The following RIMBP2 variants were observed in gnomAD, a reference collection of about 807,000 sequenced individuals.
The protein encoded by RIMBP2 is RIMS-binding protein 2.
RIMBP2 carries 48 observed loss-of-function variants against 118.6 expected under a neutral mutation model. That is an observed-to-expected ratio of 0.40 (90% CI 0.32 to 0.51). The LOEUF is 0.51. RIMBP2 is among the 20% of genes least tolerant of loss of function. The pLI, the probability that RIMBP2 is intolerant of heterozygous loss-of-function variation, is 0.41. For synonymous variants in RIMBP2, 762 were observed against 742.9 expected (o/e 1.03, Z -0.42); for missense variants, 1,551 against 1,768.3 (o/e 0.88, Z 2.20).
At chr12:130,580,967 G>A (rs2140185421) in intron 2 of RIMBP2, among the ~76,000 whole-genome samples, 1 of 151,896 alleles carries the variant, frequency 6.6e-6, no homozygotes, top group Non-Finnish European at 1.5e-5. Flanking sequence ...GTGTGTGTGT[G>A]TATGTATATA....
intron 1 of RIMBP2, among the ~76,000 whole-genome samples, chr12:130,633,404 T>C (rs560810181): frequency 6.6e-5 from 10 of 152,258 alleles, no homozygotes; most frequent in East Asian, 3.9e-4. Context: ...GGTGAATTCC[T>C]GAGGGAGGAA....
chr12:130,689,795 A>G (rs1482539493), intron 1 of RIMBP2, among the ~76,000 whole-genome samples: 1 of 152,210 alleles, frequency 6.6e-6, no homozygotes, highest in Non-Finnish European at 1.5e-5. Flanking sequence ...GCATCGTACC[A>G]AATGATCACA....
intron 2 of RIMBP2, among the ~76,000 whole-genome samples, chr12:130,554,430 G>C (rs2056139619): frequency 6.6e-6 from 1 of 152,186 alleles, no homozygotes; most frequent in South Asian, 2.1e-4. Context: ...GAGTGCATCT[G>C]AACTAGGTGT....
At chr12:130,413,061 A>G (rs1212972903) in intron 18 of RIMBP2, among the ~76,000 whole-genome samples, 1 of 152,046 alleles carries the variant, frequency 6.6e-6, no homozygotes, top group Non-Finnish European at 1.5e-5. Context: ...GGATGAATGC[A>G]TGTTATTTAA....
In RIMBP2 at chr12:130,438,455, C is replaced by T. The variant is rs779184735; in HGVS notation, c.1566G>A (p.Arg522=). The T allele has an allele frequency of 1.2e-6, 2 of 1,613,320 alleles. No homozygotes were observed. The highest frequency in any genetic ancestry group is 1.7e-6 in the Non-Finnish European group (2 of 1,179,746). The change falls in exon 12 of 23, where the codon CGG becomes CGA. Residue 522 remains arginine, a synonymous_variant. Coordinates refer to ENST00000690449, the MANE Select transcript of RIMBP2 (RefSeq NM_001393629.1). ...VQAGVTPATI[R]VSWRPPVLTP... ...TCAGCACAGGTGGTCTCCAGGAGAC[C>T]CGGATGGTGGCGGGGGTCACCCCAG...
At chr12:130,678,908 G>A (rs140825410) in intron 1 of RIMBP2, among the ~76,000 whole-genome samples, 3 of 152,308 alleles carry the variant, frequency 2.0e-5, no homozygotes, top group Non-Finnish European at 4.4e-5. Context: ...GCTTGGAGTG[G>A]GGATGAGGCG....
intron 4 of RIMBP2, among the ~76,000 whole-genome samples, chr12:130,501,017 C>G (rs2049720243): frequency 6.6e-6 from 1 of 152,206 alleles, no homozygotes. Context: ...ACGACACACT[C>G]CATCTCCCAC....
chr12:130,401,875 C>T (rs1200779922), intron 21 of RIMBP2, among the ~76,000 whole-genome samples: 1 of 152,086 alleles, frequency 6.6e-6, no homozygotes, highest in Non-Finnish European at 1.5e-5. Context: ...GGAGTGTGTT[C>T]TGTGAACACA....
chr12:130,456,695 C>G lies in RIMBP2; in HGVS notation c.159G>C (p.Lys53Asn). 1.2e-6 allele frequency: 2 copies of G among 1,601,844 alleles called. No individual in the cohort carries two copies. Among genetic ancestry groups the G allele is most frequent in the Middle Eastern group, 3.3e-4 (2 of 6,032 alleles). The change falls in exon 7 of 23, where the codon AAG becomes AAC. Residue 53 changes from lysine (K) to asparagine (N), a missense_variant. Physicochemically the swap from Lys to Asn is moderately conservative, Grantham distance 94. Around this residue, in one of 5 missense-constraint regions of RIMBP2, gnomAD observed 239 missense variants for 256.8 expected, o/e 0.93. Coordinates refer to ENST00000690449, the MANE Select transcript of RIMBP2 (RefSeq NM_001393629.1). ...GGCATTTCTCTTCCAGCTCTCGAAC[C>G]TTGGACTGCACGGCAGAAGCAGGAC... ...HEGAVRLLES[K>N]VRELEEKCRT...
At chr12:130,712,934 G>T (rs1950024321) in intron 1 of RIMBP2, among the ~76,000 whole-genome samples, 1 of 151,964 alleles carries the variant, frequency 6.6e-6, no homozygotes, top group South Asian at 2.1e-4. Context: ...TCCTTCTTAT[G>T]CAGGGCGTCA....
chr12:130,642,199 C>G (rs745941218), intron 1 of RIMBP2, among the ~76,000 whole-genome samples: 2 of 152,194 alleles, frequency 1.3e-5, no homozygotes, highest in African/African-American at 2.4e-5. Flanking sequence ...AGATGGCTTC[C>G]CCTCCAGGAC....
At chr12:130,664,423 ACACACATG>A (rs2063811277) in intron 1 of RIMBP2, among the ~76,000 whole-genome samples, 3 of 88,938 alleles carry the variant, frequency 3.4e-5, no homozygotes, top group South Asian at 3.7e-4. Context: ...ACACACACGC[ACACACATG>A]CATGCACGCA....
At position 130,434,271 on chromosome 12, in the gene RIMBP2, T is replaced by C. The variant is rs768641408; in HGVS notation, c.2253+463A>G. On this transcript the variant is annotated intron_variant, in intron 14 of 22. Transcript: ENST00000690449. The surrounding 1 kb of genome is among the most constrained non-coding windows in gnomAD (Gnocchi z 5.7). ...AGACAGAAACCCCAAACTGGCTGAA[T>C]GTCTTCCTCATGAGCCCAGCTCTGC... Among the ~76,000 whole-genome samples, 92 of 152,354 alleles carry C rather than the reference T, an allele frequency of 6.0e-4. No individual in the cohort carries two copies. The highest frequency in any genetic ancestry group is 3.4e-3 in the Middle Eastern group (1 of 294).
intron 7 of RIMBP2, among the ~76,000 whole-genome samples, chr12:130,453,917 G>A (rs935798528): frequency 2.6e-5 from 4 of 152,104 alleles, no homozygotes; most frequent in Non-Finnish European, 5.9e-5. Flanking sequence ...AGCCAGGCGC[G>A]GCGGTGCACA....
At chr12:130,416,270 G>A (rs7295851) in intron 17 of RIMBP2, among the ~76,000 whole-genome samples, 58,725 of 152,004 alleles carry the variant, frequency 0.39, 11,460 homozygotes, top group South Asian at 0.5. Flanking sequence ...TAGCCGAAGT[G>A]GTCTTAAGCA....
At chr12:130,680,801 A>T (rs149359063) in intron 1 of RIMBP2, among the ~76,000 whole-genome samples, 63 of 152,348 alleles carry the variant, frequency 4.1e-4, no homozygotes, top group African/African-American at 1.5e-3. Context: ...AGCGCGACTG[A>T]GGCTGAGAGG....
In RIMBP2 at chr12:130,445,569, G is replaced by A. The variant is rs533116991; in HGVS notation, c.582-300C>T. The stretch of plus-strand genomic sequence containing the variant: ...TCTATTCACACTTATCTCTTCTGCT[G>A]TAACTATACATCTCCAAATTAGCAA... On this transcript the variant is annotated intron_variant, in intron 9 of 22. Coordinates refer to ENST00000690449, the MANE Select transcript of RIMBP2 (RefSeq NM_001393629.1). 5.9e-5 allele frequency among the ~76,000 whole-genome samples: 9 copies of A among 152,316 alleles called. No homozygotes were observed. In the South Asian group the frequency reaches 1.9e-3, roughly 32 times the overall value.
intron 2 of RIMBP2, among the ~76,000 whole-genome samples, chr12:130,613,829 A>AC (rs1555308719): frequency 1.3e-5 from 2 of 151,500 alleles, no homozygotes; most frequent in Admixed American, 6.6e-5. Flanking sequence ...AAAAAAAAAA[A>AC]AAAACTCAGT....
chr12:130,408,332 G>A (rs1311102172), intron 19 of RIMBP2, among the ~76,000 whole-genome samples: 1 of 152,238 alleles, frequency 6.6e-6, no homozygotes, highest in Non-Finnish European at 1.5e-5. Flanking sequence ...CTCAGGAGAA[G>A]CACGAACATA....
Sources: allele counts gnomAD v4.1 joint callset (sites outside exome capture counted in the v4.1 genomes callset), GRCh38; gene constraint gnomAD v4.1.1; regional missense constraint gnomAD v4.1.1; non-coding constraint Gnocchi (gnomAD v3.1); transcripts MANE v1.5; gene names NCBI Gene and HGNC (gene_info 2026-07-23, HGNC 2026-07-21).